Variants in CALD1 observed in about 807,000 individuals in gnomAD.
CALD1 encodes caldesmon 1, also known as caldesmon.
A neutral mutation model predicts 99.9 loss-of-function variants in CALD1; 33 were observed. The observed-to-expected ratio is 0.33, with a 90% CI of 0.25 to 0.44. The LOEUF is 0.44. Ranked by LOEUF, CALD1 falls within the 20% of genes least tolerant of loss-of-function variation. CALD1 has a pLI of 1.00. For synonymous variants in CALD1, 310 were observed against 325.0 expected (o/e 0.95, Z 0.50); for missense variants, 861 against 962.1 (o/e 0.89, Z 1.39).
chr7:134,819,640 C>T (rs1216731406), intron 1 of CALD1, among the ~76,000 whole-genome samples: 1 of 152,208 alleles, frequency 6.6e-6, no homozygotes, highest in Non-Finnish European at 1.5e-5. Flanking sequence ...CTCTACCAAG[C>T]TTTGGGAAAT....
intron 1 of CALD1, among the ~76,000 whole-genome samples, chr7:134,808,381 T>A (rs1191104895): frequency 6.6e-6 from 1 of 152,172 alleles, no homozygotes; most frequent in African/African-American, 2.4e-5. Flanking sequence ...GTGCTGAGAT[T>A]ACAGGCATGA....
chr7:134,783,322 C>G lies in CALD1; in HGVS notation c.-130+3573C>G, dbSNP rs576286526. Among the ~76,000 whole-genome samples the G allele has an allele frequency of 1.3e-5, 2 of 152,302 alleles. No individual in the cohort carries two copies. Among genetic ancestry groups the G allele is most frequent in the South Asian group, 2.1e-4 (1 of 4,824 alleles). On this transcript the variant is annotated intron_variant, in intron 1 of 14. Transcript: ENST00000361675. This position sits in a 1 kb window ranked among gnomAD's most constrained non-coding sequence, Gnocchi z 4.3. ...CCACCTGTAACCTCTTCCCCAGCTC[C>G]CCCATCCCTGTACCGGATAGGGAGC...
At chr7:134,816,025 A>G (rs1798548553) in intron 1 of CALD1, among the ~76,000 whole-genome samples, 1 of 152,182 alleles carries the variant, frequency 6.6e-6, no homozygotes, top group African/African-American at 2.4e-5. Context: ...TAGATCCAGA[A>G]CATTTGTTTT....
At chr7:134,762,667 G>A (rs1338409232) in intron 1 of CALD1, among the ~76,000 whole-genome samples, 3 of 152,082 alleles carry the variant, frequency 2.0e-5, no homozygotes, top group Admixed American at 2.0e-4. Context: ...GGAGGAGGAG[G>A]GAGACAGACA....
the CALD1 span, among the ~76,000 whole-genome samples, chr7:134,720,414 CAG>C: frequency 6.6e-6 from 1 of 152,116 alleles, no homozygotes; most frequent in African/African-American, 2.4e-5. Context: ...GGAGGTGAAG[CAG>C]AGTTTCCCAT....
intron 3 of CALD1, among the ~76,000 whole-genome samples, chr7:134,882,908 T>C (rs1003531271): frequency 2.6e-5 from 4 of 152,214 alleles, no homozygotes; most frequent in African/African-American, 9.6e-5. Context: ...TATGAGGACT[T>C]AATTATTTTT....
chr7:134,950,559 TG>T, intron 9 of CALD1, 45 bp downstream of exon 9: 1 of 1,516,146 alleles, frequency 6.6e-7, no homozygotes, highest in South Asian at 1.1e-5. Flanking sequence ...TGATAGAGAC[TG>T]GATTTTAGCC....
chr7:134,740,617 A>G (rs997015377), upstream of CALD1, among the ~76,000 whole-genome samples: 1 of 152,212 alleles, frequency 6.6e-6, no homozygotes, highest in Non-Finnish European at 1.5e-5. Context: ...TGTGCTCCTC[A>G]CATGGAATCT....
intron 6 of CALD1, among the ~76,000 whole-genome samples, chr7:134,938,564 G>T (rs375494887): frequency 1.2e-4 from 18 of 152,244 alleles, no homozygotes; most frequent in African/African-American, 4.3e-4. Flanking sequence ...CATGGTAACA[G>T]TCTGACCTAT....
At chr7:134,887,754 C>T (rs963615157) in intron 3 of CALD1, among the ~76,000 whole-genome samples, 7 of 136,798 alleles carry the variant, frequency 5.1e-5, no homozygotes, top group African/African-American at 1.9e-4. Context: ...GCATGTGTGT[C>T]TCTATGTGCC....
At chr7:134,961,902 C>T (rs937569014) in intron 13 of CALD1, 7 of 151,916 alleles carry the variant, frequency 4.6e-5, no homozygotes, top group African/African-American at 1.7e-4. Flanking sequence ...ATCACTGGTT[C>T]CAGACCAGTG....
chr7:134,762,829 A>C (rs1796790883), intron 1 of CALD1, among the ~76,000 whole-genome samples: 1 of 152,220 alleles, frequency 6.6e-6, no homozygotes, highest in East Asian at 1.9e-4. Flanking sequence ...ACTGGACATG[A>C]GATTTGAGCC....
chr7:134,917,517 T>TTTTTGTA (rs1178113634), intron 3 of CALD1, among the ~76,000 whole-genome samples: 2 of 152,000 alleles, frequency 1.3e-5, no homozygotes, highest in African/African-American at 4.8e-5. Flanking sequence ...CCCAGCTAAC[T>TTTTTGTA]TTTTGTATTT....
intron 3 of CALD1, among the ~76,000 whole-genome samples, chr7:134,874,816 A>C (rs904858880): frequency 3.9e-5 from 6 of 152,212 alleles, no homozygotes; most frequent in African/African-American, 1.4e-4. Flanking sequence ...CTACACTATA[A>C]AAAGAAGCAA....
At chr7:134,739,398 G>A (rs1380075697), upstream of CALD1, among the ~76,000 whole-genome samples, 5 of 152,164 alleles carry the variant, frequency 3.3e-5, no homozygotes, top group African/African-American at 9.7e-5. Context: ...ATACTGTCAG[G>A]TTTAATACCA....
At chr7:134,906,670 G>GTT (rs774723343) in intron 3 of CALD1, among the ~76,000 whole-genome samples, 1 of 152,102 alleles carries the variant, frequency 6.6e-6, no homozygotes, top group Non-Finnish European at 1.5e-5. Flanking sequence ...ATGATTTTTA[G>GTT]TTTTTTTAGC....
At chr7:134,912,806 T>C (rs1454691167) in intron 3 of CALD1, among the ~76,000 whole-genome samples, 1 of 152,230 alleles carries the variant, frequency 6.6e-6, no homozygotes. Context: ...TACTTTGAAC[T>C]GGAACAACTG....
Position 134,968,865 on chromosome 7 carries a change from A to C in CALD1, c.*520A>C, listed in dbSNP as rs1284476174. 1.0e-5 allele frequency: 2 copies of C among 193,434 alleles called. No individual in the cohort carries two copies. The highest frequency in any genetic ancestry group is 2.2e-5 in the Non-Finnish European group (2 of 89,894). 12.0% of individuals were successfully genotyped at this position (193,434 alleles called of 1,614,324 possible). On this transcript the variant is annotated 3_prime_UTR_variant, in exon 15 of 15. Coordinates refer to ENST00000361675, the MANE Select transcript of CALD1 (RefSeq NM_033138.4). Reference sequence around the variant, plus strand: ...CTGCAATAATGGTTGTCTTTAAAAAAAAAAAAGAAATGTACTGTTAAGGTA... The same window carrying C: ...CTGCAATAATGGTTGTCTTTAAAAACAAAAAAGAAATGTACTGTTAAGGTA...
chr7:134,723,057 G>T, the CALD1 span, among the ~76,000 whole-genome samples: 1 of 152,086 alleles, frequency 6.6e-6, no homozygotes, highest in African/African-American at 2.4e-5. Flanking sequence ...ACACGGATTG[G>T]TTTCTAATAT....
Sources: gnomAD v4.1 joint callset for allele counts (sites outside exome capture counted in the v4.1 genomes callset) on GRCh38, gnomAD v4.1.1 for gene constraint, Gnocchi (gnomAD v3.1) non-coding constraint, MANE v1.5 for transcripts, NCBI Gene and HGNC (gene_info 2026-07-23, HGNC 2026-07-21) for gene names.